Variants in DDX11 observed in about 807,000 individuals in gnomAD.
DDX11 encodes the protein ATP-dependent DNA helicase DDX11.
In DDX11, 72 loss-of-function variants were observed where a neutral mutation model predicts 125.2. The observed-to-expected ratio is 0.58, with a 90% CI of 0.48 to 0.70. The LOEUF is 0.70. Among genes scored for constraint, DDX11 ranks in the 30% least tolerant of loss-of-function variants. The pLI is 0.00. For missense variants in DDX11, 883 were observed against 1,165.0 expected, an observed-to-expected ratio of 0.76 and a Z score of 3.52; for synonymous variants, 347 against 452.6, an observed-to-expected ratio of 0.77 and a Z score of 2.96.
At position 31,073,930 on chromosome 12, in the gene DDX11, G is replaced by A. The variant is rs1940319457; in HGVS notation, c.-166G>A. The A allele has an allele frequency of 6.6e-6, 1 of 152,270 alleles. No homozygotes were observed. Among genetic ancestry groups the A allele is most frequent in the African/African-American group, 2.4e-5 (1 of 41,468 alleles). 9.4% of individuals were successfully genotyped at this position (152,270 alleles called of 1,614,324 possible). A position where few individuals can be genotyped will look rare whatever the true frequency, so the allele number is the denominator to read the frequency against. On this transcript the variant is annotated 5_prime_UTR_variant, in exon 1 of 27. Transcript: ENST00000542838. ...TCAGTGGCGTTTGCCCTGATTCCCG[G>A]GGCCTGGCTTTCAGCGTAGCAATTC...
At position 31,081,127 on chromosome 12, in the gene DDX11, GT is replaced by G. The variant is rs996352177; in HGVS notation, c.144+2591del. Reference sequence around the variant, plus strand: ...AGTCTTCTGCACTCCAGGCTTCTGCGTCTTCTTCCTCTGCTCAGCCTTTAAT... The same window carrying G: ...AGTCTTCTGCACTCCAGGCTTCTGCGCTTCTTCCTCTGCTCAGCCTTTAAT... On this transcript the variant is annotated intron_variant, in intron 2 of 26. Coordinates refer to ENST00000542838, the MANE Select transcript of DDX11 (RefSeq NM_030653.4). 8.8e-4 allele frequency among the ~76,000 whole-genome samples: 134 copies of G among 152,236 alleles called. 1 individual carries two copies. The highest frequency in any genetic ancestry group is 3.1e-3 in the African/African-American group (130 of 41,554).
intron 23 of DDX11, 80 bp downstream of exon 23, chr12:31,102,607 C>G: frequency 2.2e-6 from 3 of 1,365,380 alleles, no homozygotes; most frequent in Non-Finnish European, 3.1e-6. Flanking sequence ...CCTGCCTGCT[C>G]TCTGCTGCCA....
chr12:31,090,254 C>T (rs1430156649), intron 9 of DDX11, among the ~76,000 whole-genome samples, 160 bp downstream of exon 9: 5 of 144,912 alleles, frequency 3.5e-5, no homozygotes, highest in Non-Finnish European at 6.0e-5. Context: ...TTGGAGGAGG[C>T]GCGTGGGATC....
At chr12:31,083,048 A>G (rs1011046992) in intron 2 of DDX11, among the ~76,000 whole-genome samples, 36 of 152,188 alleles carry the variant, frequency 2.4e-4, no homozygotes, top group African/African-American at 8.4e-4. Flanking sequence ...ATCAGGCCAC[A>G]TTCTGAGATG....
chr12:31,094,134 G>T lies in DDX11; in HGVS notation c.1370-456G>T, dbSNP rs373030091. 5.3e-5 allele frequency among the ~76,000 whole-genome samples: 8 copies of T among 152,202 alleles called. No individual in the cohort carries two copies. The South Asian group carries it at 8.3e-4, about 16-fold the overall frequency. ...ACCCTGTCACGTCCCCTTCTTTTAT[G>T]ATGGGGCACCCCCTTGGAAGGCGTC... On this transcript the variant is annotated intron_variant, in intron 12 of 26. Transcript: ENST00000542838.
rs1945616177 is a variant in DDX11 at position 31,097,982 on chromosome 12, G to A, written c.1860G>A (p.Gly620=). 1.2e-6 allele frequency: 2 copies of A among 1,613,764 alleles called. No homozygotes were observed. Among genetic ancestry groups the A allele is most frequent in the Non-Finnish European group, 1.7e-6 (2 of 1,179,756 alleles). ...VKECRAVVIA[G]GTMQPVSDFR... is the part of the protein sequence containing the mutation. Reference sequence around the variant, plus strand: ...AATGCCGGGCAGTGGTCATTGCGGGGGGTACCATGCAGCCGGTAAGGACAC... The same window carrying A: ...AATGCCGGGCAGTGGTCATTGCGGGAGGTACCATGCAGCCGGTAAGGACAC... Residue 620 remains glycine, a synonymous_variant, in exon 18 of 27, where the codon GGG becomes GGA. Coordinates refer to ENST00000542838, the MANE Select transcript of DDX11 (RefSeq NM_030653.4).
At chr12:31,084,262 T>C (rs10843879) in intron 3 of DDX11, among the ~76,000 whole-genome samples, 81,112 of 152,040 alleles carry the variant, frequency 0.53, 22,760 homozygotes, top group East Asian at 0.82. Context: ...CTTCTCCACA[T>C]AAGGAACTGT....
In DDX11 at chr12:31,102,543, G is replaced by A; in HGVS notation, c.2372+16G>A. ...ACCTAGGCCGGTAAGTAGTGGTTCT[G>A]CTCGTCTCCTGGGCCGTGATACATG... On this transcript the variant is annotated intron_variant, in intron 23 of 26. Coordinates refer to ENST00000542838, the MANE Select transcript of DDX11 (RefSeq NM_030653.4). 1 of 1,610,782 alleles carries A rather than the reference G, an allele frequency of 6.2e-7. No homozygotes were observed. Among genetic ancestry groups the A allele is most frequent in the South Asian group, 1.1e-5 (1 of 91,002 alleles).
intron 2 of DDX11, among the ~76,000 whole-genome samples, chr12:31,082,297 T>C (rs199798687): frequency 0.045 from 6,810 of 151,488 alleles, 146 homozygotes; most frequent in East Asian, 0.14. Flanking sequence ...AATCCTCTAA[T>C]CCAGAGGATT....
Position 31,090,032 on chromosome 12 carries a change from C to G in DDX11, c.1027C>G (p.Leu343Val). The change falls in exon 9 of 27, where the codon CTT (leucine) becomes GTT (valine). Residue 343 changes from leucine (L) to valine (V), a missense_variant. Leu to Val is a conservative substitution (Grantham distance 32). This residue lies in a region of DDX11 where 72 missense variants were observed against 159.7 expected (regional missense o/e 0.45). Coordinates refer to ENST00000542838, the MANE Select transcript of DDX11 (RefSeq NM_030653.4). ...GAAGGACATGGAGCAGCTGCTGGCC[C>G]TTGGGAAGGAGGCCCGGGCCTGTCC... Reference protein sequence around the residue: ...EVKDMEQLLALGKEARACPYY... With the variant: ...EVKDMEQLLAVGKEARACPYY... 1 of 1,556,544 alleles carries G rather than the reference C, an allele frequency of 6.4e-7. No individual in the cohort carries two copies. Among genetic ancestry groups the G allele is most frequent in the Admixed American group, 1.9e-5 (1 of 51,542 alleles).
chr12:31,079,718 C>T (rs531748017), intron 2 of DDX11, among the ~76,000 whole-genome samples: 3 of 152,240 alleles, frequency 2.0e-5, no homozygotes, highest in Non-Finnish European at 4.4e-5. Context: ...CGAACTCAAG[C>T]GATCCTCCCC....
At chr12:31,091,999 C>T (rs397833245) in intron 10 of DDX11, 128 bp downstream of exon 10, 13 of 1,315,232 alleles carry the variant, frequency 9.9e-6, no homozygotes, top group African/African-American at 2.9e-5. Flanking sequence ...CGAGTCAAGG[C>T]GGTGACCTCA....
chr12:31,086,360 C>T (rs1381906249), intron 5 of DDX11: 7 of 363,552 alleles, frequency 1.9e-5, no homozygotes, highest in African/African-American at 1.3e-4. Context: ...CCAGAGCTGA[C>T]CCAGTGTTTG....
intron 22 of DDX11, 24 bp downstream of exon 22, chr12:31,102,335 G>T (rs1393146517): frequency 9.9e-6 from 16 of 1,613,086 alleles, no homozygotes; most frequent in Non-Finnish European, 1.3e-5. Flanking sequence ...GCTGGGCTTG[G>T]GTCTGAGATC....
intron 5 of DDX11, chr12:31,087,591 A>T (rs991681154): frequency 5.7e-5 from 22 of 383,958 alleles, no homozygotes; most frequent in Admixed American, 2.2e-4. Context: ...GAGATGATGA[A>T]GAGCAAATAT....
At chr12:31,091,190 C>T (rs1163639283) in intron 9 of DDX11, 1 of 152,472 alleles carries the variant, frequency 6.6e-6, no homozygotes, top group African/African-American at 2.4e-5. Context: ...TTCCTAACAA[C>T]AAACACCTAA....
At chr12:31,077,625 A>T (rs1592556346) in intron 1 of DDX11, among the ~76,000 whole-genome samples, 1 of 152,122 alleles carries the variant, frequency 6.6e-6, no homozygotes, top group African/African-American at 2.4e-5. Context: ...AGGCGGGCGG[A>T]TCACGAGGTC....
chr12:31,077,630 G>A (rs887872937), intron 1 of DDX11, among the ~76,000 whole-genome samples: 19 of 152,018 alleles, frequency 1.2e-4, no homozygotes, highest in Admixed American at 6.5e-5. Context: ...GGCGGATCAC[G>A]AGGTCAGGAG....
rs1303825633 is a variant in DDX11, at chr12:31,083,949, T to G, written c.281T>G (p.Leu94Arg). ...GATGAGAAAGATGAATCCCTGTGTC[T>G]GTCTTCTTCCTGCGAAGGGGCTGCA... ...LHDEKDESLCLSSSCEGAAGT... is the reference protein window; with the variant it reads ...LHDEKDESLCRSSSCEGAAGT... The change falls in exon 3 of 27, where the codon CTG (leucine) becomes CGG (arginine). Residue 94 changes from leucine (L) to arginine (R), a missense_variant. Leu to Arg is a moderately radical substitution (Grantham distance 102, BLOSUM62 -2). This residue lies in a region of DDX11 where 283 missense variants were observed against 359.6 expected (regional missense o/e 0.79). Coordinates refer to ENST00000542838, the MANE Select transcript of DDX11 (RefSeq NM_030653.4). 2.5e-6 allele frequency: 4 copies of G among 1,613,962 alleles called. No homozygotes were observed. Among genetic ancestry groups the G allele is most frequent in the Non-Finnish European group, 3.4e-6 (4 of 1,179,854 alleles).
Sources: allele counts gnomAD v4.1 joint callset (sites outside exome capture counted in the v4.1 genomes callset), GRCh38; gene constraint gnomAD v4.1.1; regional missense constraint gnomAD v4.1.1; transcripts MANE v1.5; gene names NCBI Gene and HGNC (gene_info 2026-07-23, HGNC 2026-07-21).